ST3GAL6: variants seen among roughly 807,000 people sequenced by gnomAD.
ST3GAL6 encodes type 2 lactosamine alpha-2,3-sialyltransferase.
Under a neutral mutation model 40.5 loss-of-function variants are expected in ST3GAL6, and 31 were observed. The observed-to-expected ratio is 0.77, with a 90% CI of 0.58 to 1.03. The LOEUF (loss-of-function observed/expected upper bound fraction) is 1.03. ST3GAL6 is among the 50% of genes least tolerant of loss of function. The probability of loss-of-function intolerance (pLI) is 0.00; values close to 1 mark genes in which losing one functional copy is unlikely to be tolerated. For synonymous variants in ST3GAL6, 129 were observed against 136.9 expected, an observed-to-expected ratio of 0.94 and a Z score of 0.40; for missense variants, 357 against 393.2, an observed-to-expected ratio of 0.91 and a Z score of 0.78.
intron 5 of ST3GAL6, among the ~76,000 whole-genome samples, chr3:98,784,049 T>A (rs1940444317): frequency 6.6e-6 from 1 of 152,248 alleles, no homozygotes; most frequent in Non-Finnish European, 1.5e-5. Context: ...CTAAAATCCT[T>A]AAGGTCTTGA....
intron 1 of ST3GAL6, among the ~76,000 whole-genome samples, chr3:98,749,030 T>A (rs1936776052): frequency 6.6e-6 from 1 of 152,212 alleles, no homozygotes; most frequent in Admixed American, 6.5e-5. Flanking sequence ...TCTGCCTTTC[T>A]TGATGAACTG....
At chr3:98,763,949 T>C (rs72932664) in intron 1 of ST3GAL6, among the ~76,000 whole-genome samples, 135 of 152,244 alleles carry the variant, frequency 8.9e-4, no homozygotes, top group African/African-American at 3.2e-3. Context: ...ACTCTCTTTC[T>C]GTGGGTCAGA....
chr3:98,788,076 GGGA>G lies in ST3GAL6; in HGVS notation c.474_476del (p.Arg160del). The G allele has an allele frequency of 6.2e-7, 1 of 1,613,900 alleles. No individual in the cohort carries two copies. On this transcript the variant is annotated inframe_deletion, in exon 7 of 10. Coordinates refer to ENST00000483910, the MANE Select transcript of ST3GAL6 (RefSeq NM_001323368.2). ...TGTTTTAGGACATGAAGAAGAAGTTGGGAGAAGGACAACCTTCCGACTTTTTTA... is the reference window on the plus strand; with the variant it reads ...TGTTTTAGGACATGAAGAAGAAGTTGGAAGGACAACCTTCCGACTTTTTTA...
chr3:98,791,411 T>C (rs1941196571), intron 8 of ST3GAL6, among the ~76,000 whole-genome samples: 1 of 152,234 alleles, frequency 6.6e-6, no homozygotes, highest in Non-Finnish European at 1.5e-5. Context: ...AAGTCTTTTA[T>C]CATGATTCCA....
chr3:98,771,621 AT>A (rs1305617005), intron 3 of ST3GAL6, among the ~76,000 whole-genome samples: 7 of 152,098 alleles, frequency 4.6e-5, no homozygotes, highest in Admixed American at 3.9e-4. Flanking sequence ...TTAAAAATTC[AT>A]TTTTTTTCCT....
chr3:98,739,140 C>T (rs1935836986), intron 1 of ST3GAL6, among the ~76,000 whole-genome samples: 1 of 152,142 alleles, frequency 6.6e-6, no homozygotes, highest in South Asian at 2.1e-4. Flanking sequence ...AATCAGTTCT[C>T]TGAAACTAAT....
chr3:98,751,659 T>C (rs1937016520), intron 1 of ST3GAL6, among the ~76,000 whole-genome samples: 1 of 152,224 alleles, frequency 6.6e-6, no homozygotes, highest in Non-Finnish European at 1.5e-5. Flanking sequence ...CATTAATAGG[T>C]TTTTGGAAAC....
chr3:98,790,002 G>A (rs1023152471), intron 8 of ST3GAL6, among the ~76,000 whole-genome samples: 5 of 152,162 alleles, frequency 3.3e-5, no homozygotes, highest in Admixed American at 1.3e-4. Context: ...TTTTAGAAAC[G>A]TGGAGGTCAT....
rs1223891980 is a variant in ST3GAL6, at chr3:98,795,831, T to A, written c.*2070T>A. ...TACCCTTAGAATCTAAAATAAAAGT[T>A]GAAATTATTTTTTTAAAAAAAGGAT... is the stretch of plus-strand genomic sequence containing the variant. On this transcript the variant is annotated 3_prime_UTR_variant, in exon 10 of 10. Transcript: ENST00000483910. 6.6e-6 allele frequency: 1 copy of A among 152,166 alleles called. No individual in the cohort carries two copies. Among genetic ancestry groups the A allele is most frequent in the Non-Finnish European group, 1.5e-5 (1 of 68,012 alleles). The allele number at this position is 152,166 out of a possible 1,614,324, so 9.4% of individuals were successfully genotyped here.
chr3:98,791,901 G>A lies in ST3GAL6; in HGVS notation c.817G>A (p.Glu273Lys), dbSNP rs1352901925. The A allele has an allele frequency of 2.5e-6, 4 of 1,613,940 alleles. No homozygotes were observed. Among genetic ancestry groups the A allele is most frequent in the Admixed American group, 1.7e-5 (1 of 60,012 alleles). Residue 273 changes from glutamate to lysine, a missense_variant, in exon 9 of 10, where the codon GAA (glutamate) becomes AAA (lysine). Glu to Lys is a moderately conservative substitution (Grantham distance 56, BLOSUM62 1). Coordinates refer to ENST00000483910, the MANE Select transcript of ST3GAL6 (RefSeq NM_001323368.2). ...CACATTGGCGTTTTACATATGTCAC[G>A]AAGTTCACCTAGCTGGTTTTAAATA... ...AITLAFYICH[E>K]VHLAGFKYNF...
At chr3:98,778,385 T>C (rs556593029) in intron 5 of ST3GAL6, among the ~76,000 whole-genome samples, 27 of 151,968 alleles carry the variant, frequency 1.8e-4, no homozygotes, top group African/African-American at 6.5e-4. Context: ...TGAAAAAGAG[T>C]CCTAACTCTA....
At chr3:98,737,345 G>T (rs1441874677) in intron 1 of ST3GAL6, among the ~76,000 whole-genome samples, 1 of 152,044 alleles carries the variant, frequency 6.6e-6, no homozygotes, top group Admixed American at 6.5e-5. Context: ...GCCACCACAC[G>T]CGGCCCCTTC....
At chr3:98,761,262 T>C (rs978351403), upstream of ST3GAL6, among the ~76,000 whole-genome samples, 1 of 151,992 alleles carries the variant, frequency 6.6e-6, no homozygotes, top group Non-Finnish European at 1.5e-5. Context: ...CTGGACAGTA[T>C]AGTGAGACCC....
At chr3:98,779,507 C>T (rs781435541) in intron 5 of ST3GAL6, among the ~76,000 whole-genome samples, 1 of 152,072 alleles carries the variant, frequency 6.6e-6, no homozygotes, top group Non-Finnish European at 1.5e-5. Flanking sequence ...AAATGCATGT[C>T]AAAAAGCATT....
intron 1 of ST3GAL6, among the ~76,000 whole-genome samples, chr3:98,741,050 C>CTGTGTGTGTGTGTGTG (rs748180004): frequency 1.3e-5 from 1 of 78,842 alleles, no homozygotes; most frequent in Admixed American, 1.5e-4. Context: ...TAGAGGGATT[C>CTGTGTGTGTGTGTGTG]AGTGTGTGTG....
At chr3:98,778,827 A>G (rs1939798452) in intron 5 of ST3GAL6, among the ~76,000 whole-genome samples, 1 of 152,240 alleles carries the variant, frequency 6.6e-6, no homozygotes, top group Non-Finnish European at 1.5e-5. Context: ...GGCTGCAAGT[A>G]ATAGTCTTCA....
intron 1 of ST3GAL6, among the ~76,000 whole-genome samples, chr3:98,749,096 A>T (rs1479728077): frequency 6.6e-6 from 1 of 152,238 alleles, no homozygotes; most frequent in Non-Finnish European, 1.5e-5. Flanking sequence ...AGTGTCCAGC[A>T]CAGAGTAGTC....
intron 3 of ST3GAL6, among the ~76,000 whole-genome samples, 171 bp from the exon 4 acceptor site, chr3:98,772,642 A>C (rs959303113): frequency 6.6e-6 from 1 of 152,016 alleles, no homozygotes; most frequent in Non-Finnish European, 1.5e-5. Context: ...ATTCTATGCA[A>C]TATTTCAGCA....
intron 1 of ST3GAL6, chr3:98,756,398 T>C: frequency 7.8e-7 from 1 of 1,289,816 alleles, no homozygotes; most frequent in South Asian, 1.2e-5. Flanking sequence ...AGCACAACCC[T>C]GGGTTTTAGA....
Sources: allele counts gnomAD v4.1 joint callset (sites outside exome capture counted in the v4.1 genomes callset), GRCh38; gene constraint gnomAD v4.1.1; transcripts MANE v1.5; gene names NCBI Gene and HGNC (gene_info 2026-07-23, HGNC 2026-07-21).